SNX24: variants seen among roughly 807,000 people sequenced by gnomAD.
The protein encoded by SNX24 is sorting nexin-24.
SNX24 carries 22 observed loss-of-function variants against 28.7 expected under a neutral mutation model. That is an observed-to-expected ratio of 0.77 (90% CI 0.55 to 1.10). The LOEUF (loss-of-function observed/expected upper bound fraction) is 1.10, where lower values mean the gene tolerates loss of function less well. Among genes scored for constraint, SNX24 ranks in the 50% least tolerant of loss-of-function variants. SNX24 has a pLI of 0.00. For missense variants in SNX24, 221 were observed against 201.1 expected (o/e 1.10, Z -0.60); for synonymous variants, 69 against 71.5 (o/e 0.96, Z 0.18).
chr5:122,975,384 T>C (rs1033966346), intron 3 of SNX24, among the ~76,000 whole-genome samples: 1 of 152,198 alleles, frequency 6.6e-6, no homozygotes, highest in African/African-American at 2.4e-5. Context: ...TTTTGTTCTT[T>C]GATAGCTTGG....
At chr5:122,878,536 G>A (rs1049940866) in intron 1 of SNX24, among the ~76,000 whole-genome samples, 1 of 152,192 alleles carries the variant, frequency 6.6e-6, no homozygotes, top group Non-Finnish European at 1.5e-5. Context: ...GGAGTCAATA[G>A]CATAAAAATC....
intron 1 of SNX24, among the ~76,000 whole-genome samples, chr5:122,849,414 C>T (rs1009737722): frequency 1.3e-5 from 2 of 152,022 alleles, no homozygotes; most frequent in African/African-American, 4.8e-5. Flanking sequence ...GCCTTGTATC[C>T]AGGGGCCTGA....
intron 1 of SNX24, among the ~76,000 whole-genome samples, chr5:122,875,947 G>A (rs912729209): frequency 2.0e-5 from 3 of 152,166 alleles, no homozygotes; most frequent in Non-Finnish European, 2.9e-5. Context: ...GGTGGCGGGC[G>A]CCTATAATTC....
At chr5:122,944,266 T>C (rs1207480340) in intron 2 of SNX24, among the ~76,000 whole-genome samples, 7 of 152,178 alleles carry the variant, frequency 4.6e-5, no homozygotes, top group African/African-American at 1.7e-4. Flanking sequence ...CTTCTGCATT[T>C]TCTGGCAAGA....
chr5:122,910,575 G>A (rs573908223), intron 1 of SNX24, among the ~76,000 whole-genome samples: 38 of 149,024 alleles, frequency 2.5e-4, no homozygotes, highest in South Asian at 2.0e-3. Flanking sequence ...CCATTAACTC[G>A]TCATTTAGCA....
chr5:122,874,308 A>G (rs986603738), intron 1 of SNX24, among the ~76,000 whole-genome samples: 3 of 152,222 alleles, frequency 2.0e-5, no homozygotes, highest in African/African-American at 7.2e-5. Context: ...ACCTCAGATT[A>G]CGTTTAGCTA....
downstream of SNX24, among the ~76,000 whole-genome samples, chr5:123,010,108 G>T (rs56308113): frequency 6.6e-6 from 1 of 152,254 alleles, no homozygotes; most frequent in South Asian, 2.1e-4. Flanking sequence ...GGCCTTGCTT[G>T]CCAGCAACCA....
At position 123,008,344 on chromosome 5, in the gene SNX24, G is replaced by T; in HGVS notation, c.*595G>T. On this transcript the variant is annotated 3_prime_UTR_variant, in exon 7 of 7. Coordinates refer to ENST00000261369, the MANE Select transcript of SNX24 (RefSeq NM_014035.4). Reference sequence around the variant, plus strand: ...TGGCATTTTAATTTACATTAGAGTGGAGTTGCATCATACTCAGGGGTTAGC... The same window carrying T: ...TGGCATTTTAATTTACATTAGAGTGTAGTTGCATCATACTCAGGGGTTAGC... The T allele has an allele frequency of 1.0e-6, 1 of 969,538 alleles. No individual in the cohort carries two copies. The allele number at this position is 969,538 out of a possible 1,614,324, so 60.1% of individuals were successfully genotyped here.
intron 3 of SNX24, among the ~76,000 whole-genome samples, chr5:122,985,458 TA>T (rs1302642003): frequency 6.6e-6 from 1 of 152,236 alleles, no homozygotes; most frequent in Non-Finnish European, 1.5e-5. Flanking sequence ...GCAAGTCATT[TA>T]ACTTCTCAGA....
At chr5:122,921,345 G>T (rs1046675322) in intron 1 of SNX24, among the ~76,000 whole-genome samples, 6 of 152,144 alleles carry the variant, frequency 3.9e-5, no homozygotes, top group Non-Finnish European at 7.3e-5. Flanking sequence ...AGAGGGGTTG[G>T]TCACCTAGAG....
chr5:122,850,675 A>G (rs942317401), intron 1 of SNX24, among the ~76,000 whole-genome samples: 1 of 151,830 alleles, frequency 6.6e-6, no homozygotes, highest in African/African-American at 2.4e-5. Context: ...CAGATATTTC[A>G]TTTGGGCACC....
At chr5:122,892,701 G>A (rs1046996989) in intron 1 of SNX24, among the ~76,000 whole-genome samples, 7 of 151,948 alleles carry the variant, frequency 4.6e-5, no homozygotes, top group East Asian at 1.9e-4. Context: ...GCCTCCCAAA[G>A]TGCTGGGATT....
At chr5:122,878,598 C>T (rs1756335919) in intron 1 of SNX24, among the ~76,000 whole-genome samples, 1 of 152,048 alleles carries the variant, frequency 6.6e-6, no homozygotes, top group Non-Finnish European at 1.5e-5. Context: ...TGAAGCTTCC[C>T]AGGAGGTGAA....
chr5:122,923,996 C>T (rs1758561660), intron 1 of SNX24, among the ~76,000 whole-genome samples: 1 of 152,140 alleles, frequency 6.6e-6, no homozygotes, highest in African/African-American at 2.4e-5. Flanking sequence ...TATCATAGTA[C>T]TTCATGGTGT....
Position 123,007,742 on chromosome 5 carries a change from C to A in SNX24, c.503C>A (p.Pro168His). 6.2e-7 allele frequency: 1 copy of A among 1,600,194 alleles called. No homozygotes were observed. Among genetic ancestry groups the A allele is most frequent in the East Asian group, 2.2e-5 (1 of 44,746 alleles). Residue 168 changes from proline (P) to histidine (H), a missense_variant, in exon 7 of 7, where the codon CCC becomes CAC. By Grantham distance (77) the Pro-to-His change is moderately conservative. Transcript: ENST00000261369. ...GGGATATTTTACCCTCATCTACAGC[C>A]CAGGTAGAAATCCTACATGGCTAAA... ...LHGIFYPHLQPR is the reference protein window; with the variant it reads ...LHGIFYPHLQHR
At chr5:122,901,155 T>G (rs538915514) in intron 1 of SNX24, among the ~76,000 whole-genome samples, 1 of 149,678 alleles carries the variant, frequency 6.7e-6, no homozygotes, top group Admixed American at 6.7e-5. Context: ...GAGCCAAGAT[T>G]GTGCTATTGC....
chr5:123,026,068 T>C, intron 5 of SNX24: 1 of 1,016,124 alleles, frequency 9.8e-7, no homozygotes, highest in East Asian at 2.7e-5. Context: ...TAGAACCCTA[T>C]AGGAGGTAGG....
chr5:122,850,147 A>G (rs1303922321), intron 1 of SNX24, among the ~76,000 whole-genome samples: 1 of 152,250 alleles, frequency 6.6e-6, no homozygotes, highest in Non-Finnish European at 1.5e-5. Context: ...CTTTAACAAA[A>G]TACAATCAAC....
intron 6 of SNX24, 53 bp from the exon 7 acceptor site, chr5:123,007,629 C>T (rs1302226456): frequency 1.4e-6 from 2 of 1,463,282 alleles, no homozygotes; most frequent in South Asian, 1.2e-5. Context: ...TTTTGTTTCA[C>T]ATAAGAAAAG....
Sources: allele counts gnomAD v4.1 joint callset (sites outside exome capture counted in the v4.1 genomes callset), GRCh38; gene constraint gnomAD v4.1.1; transcripts MANE v1.5; gene names NCBI Gene and HGNC (gene_info 2026-07-23, HGNC 2026-07-21).